The following ACTR2 variants were observed in gnomAD, a reference collection of about 807,000 sequenced individuals.
The protein encoded by ACTR2 is actin-related protein 2.
Under a neutral mutation model 50.2 loss-of-function variants are expected in ACTR2, and 5 were observed. The ratio of observed to expected loss-of-function variants is 0.10; its 90% CI spans 0.05 to 0.21. ACTR2 has a LOEUF of 0.21. ACTR2 is among the 10% of genes least tolerant of loss of function. The probability of loss-of-function intolerance (pLI) is 1.00; values close to 1 mark genes in which losing one functional copy is unlikely to be tolerated. For missense variants in ACTR2, 180 were observed against 480.6 expected (o/e 0.37, Z 5.85); for synonymous variants, 140 against 162.9 (o/e 0.86, Z 1.07).
chr2:65,234,481 A>T (rs1671701980), intron 1 of ACTR2, among the ~76,000 whole-genome samples: 1 of 151,996 alleles, frequency 6.6e-6, no homozygotes, highest in African/African-American at 2.4e-5. Context: ...AGTTTCAGGG[A>T]TTTCAGTTTT....
intron 1 of ACTR2, among the ~76,000 whole-genome samples, chr2:65,238,388 G>C (rs975410669): frequency 1.3e-5 from 2 of 152,090 alleles, no homozygotes; most frequent in Non-Finnish European, 2.9e-5. Context: ...GGCCAGGCGC[G>C]GTGGCTCACG....
chr2:65,229,750 CAAA>C (rs57953942), intron 1 of ACTR2, among the ~76,000 whole-genome samples: 7 of 54,052 alleles, frequency 1.3e-4, no homozygotes, highest in Non-Finnish European at 2.0e-4. Flanking sequence ...GACTCCGTCT[CAAA>C]AAAAAAAAAA....
chr2:65,248,308 G>A, intron 3 of ACTR2, among the ~76,000 whole-genome samples: 1 of 152,096 alleles, frequency 6.6e-6, no homozygotes, highest in Non-Finnish European at 1.5e-5. Context: ...GCTGGGGCAG[G>A]AGAATCGCTT....
At chr2:65,250,245 T>A (rs1672018192) in intron 3 of ACTR2, among the ~76,000 whole-genome samples, 1 of 151,826 alleles carries the variant, frequency 6.6e-6, no homozygotes, top group African/African-American at 2.4e-5. Flanking sequence ...ACGCCTGTAG[T>A]CCCAGCTACT....
rs151069023 is a variant in ACTR2 at position 65,251,241 on chromosome 2, G to A, written c.448+142G>A. On this transcript the variant is annotated intron_variant, in intron 4 of 8. Coordinates refer to ENST00000260641, the MANE Select transcript of ACTR2 (RefSeq NM_005722.4). ...TATACCACACTTTGAAATATTTTCA[G>A]TTTTTAAAATTTGTGAAATAAGATT... 982 of 426,336 alleles carry A rather than the reference G, an allele frequency of 2.3e-3. 11 individuals are homozygous for A. Among genetic ancestry groups the A allele is most frequent in the African/African-American group, 0.018 (872 of 48,680 alleles). 26.4% of individuals were successfully genotyped at this position (426,336 alleles called of 1,614,324 possible). A position where few individuals can be genotyped will look rare whatever the true frequency, so the allele number is the denominator to read the frequency against.
At chr2:65,261,478 T>A in intron 7 of ACTR2, 86 bp downstream of exon 7, 1 of 1,239,902 alleles carries the variant, frequency 8.1e-7, no homozygotes, top group Non-Finnish European at 1.1e-6. Flanking sequence ...ATAGATGGAA[T>A]TAAATAGAAT....
intron 8 of ACTR2, 47 bp downstream of exon 8, chr2:65,265,222 A>G (rs1465517564): frequency 3.7e-6 from 6 of 1,608,104 alleles, no homozygotes; most frequent in Admixed American, 3.3e-5. Context: ...TTAAAAGGCT[A>G]TACAGTAGTT....
At chr2:65,235,481 G>C (rs1211263867) in intron 1 of ACTR2, among the ~76,000 whole-genome samples, 1 of 152,200 alleles carries the variant, frequency 6.6e-6, no homozygotes. Flanking sequence ...TCCAGGCTGG[G>C]TGCCGTGGCT....
At chr2:65,252,909 G>T (rs539260433) in intron 4 of ACTR2, among the ~76,000 whole-genome samples, 61 of 152,102 alleles carry the variant, frequency 4.0e-4, no homozygotes, top group African/African-American at 1.4e-3. Flanking sequence ...TGAGGAAACA[G>T]GGGAAACAAA....
chr2:65,248,886 G>C (rs769241913), intron 3 of ACTR2, among the ~76,000 whole-genome samples: 3 of 152,126 alleles, frequency 2.0e-5, no homozygotes, highest in Non-Finnish European at 4.4e-5. Context: ...AGTGGTGCAC[G>C]CCTGTAATCC....
At chr2:65,267,862 C>CTGTTTTTTT (rs1672404926) in intron 8 of ACTR2, among the ~76,000 whole-genome samples, 2 of 47,386 alleles carry the variant, frequency 4.2e-5, no homozygotes, top group African/African-American at 7.9e-5. Context: ...TGCAAGTCCT[C>CTGTTTTTTT]TTTTTTTTTT....
intron 3 of ACTR2, among the ~76,000 whole-genome samples, chr2:65,248,174 G>A (rs1671974779): frequency 6.6e-6 from 1 of 152,106 alleles, no homozygotes; most frequent in Non-Finnish European, 1.5e-5. Context: ...GGCCGAGGTG[G>A]GCGGATCACG....
At chr2:65,256,594 G>C (rs140271703) in intron 6 of ACTR2, among the ~76,000 whole-genome samples, 1,586 of 152,144 alleles carry the variant, frequency 0.01, 32 homozygotes, top group African/African-American at 0.037. Flanking sequence ...GTTGTTGGCC[G>C]GGCGCGGTGG....
intron 2 of ACTR2, among the ~76,000 whole-genome samples, chr2:65,243,640 T>TGAAC (rs1422766471): frequency 6.6e-6 from 1 of 152,122 alleles, no homozygotes; most frequent in Non-Finnish European, 1.5e-5. Flanking sequence ...ATTAGTTAAT[T>TGAAC]GAACAAACAA....
intron 3 of ACTR2, among the ~76,000 whole-genome samples, chr2:65,249,977 T>C (rs1385757441): frequency 6.6e-6 from 1 of 152,214 alleles, no homozygotes; most frequent in Non-Finnish European, 1.5e-5. Context: ...ATTTTTAAGC[T>C]GCTCAGGGTA....
At chr2:65,265,022 A>G (rs779414651) in intron 7 of ACTR2, 21 bp from the exon 8 acceptor site, 6 of 1,613,828 alleles carry the variant, frequency 3.7e-6, no homozygotes, top group Non-Finnish European at 5.1e-6. Context: ...CTCCAAATGA[A>G]TAACCATTGT....
At chr2:65,264,559 T>C (rs1056435372) in intron 7 of ACTR2, among the ~76,000 whole-genome samples, 2 of 152,158 alleles carry the variant, frequency 1.3e-5, no homozygotes, top group Non-Finnish European at 2.9e-5. Context: ...AAGAGGGTAC[T>C]GCTATAAGAA....
intron 3 of ACTR2, among the ~76,000 whole-genome samples, chr2:65,249,133 CTTTTA>C (rs914353777): frequency 6.6e-6 from 1 of 152,100 alleles, no homozygotes; most frequent in African/African-American, 2.4e-5. Context: ...TTTCAAGGTT[CTTTTA>C]TTTTTGTATA....
At chr2:65,242,321 T>C (rs1264826779) in intron 2 of ACTR2, among the ~76,000 whole-genome samples, 2 of 152,088 alleles carry the variant, frequency 1.3e-5, no homozygotes, top group African/African-American at 4.8e-5. Context: ...TTGTTTTTCT[T>C]GTAGATGAAT....
Sources: gnomAD v4.1 joint callset for allele counts (sites outside exome capture counted in the v4.1 genomes callset) on GRCh38, gnomAD v4.1.1 for gene constraint, MANE v1.5 for transcripts, NCBI Gene and HGNC (gene_info 2026-07-23, HGNC 2026-07-21) for gene names.